Variants in AHRR observed in about 807,000 individuals in gnomAD.
AHRR encodes the protein ahR repressor.
Under a neutral mutation model 44.0 loss-of-function variants are expected in AHRR, and 28 were observed. That is an observed-to-expected ratio of 0.64 (90% CI 0.47 to 0.87). The LOEUF is 0.87. Among genes scored for constraint, AHRR ranks in the 40% least tolerant of loss-of-function variants. The pLI, the probability that AHRR is intolerant of heterozygous loss-of-function variation, is 0.00. For synonymous variants in AHRR, 434 were observed against 407.0 expected (o/e 1.07, Z -0.80); for missense variants, 990 against 953.9 (o/e 1.04, Z -0.50).
At chr5:408,319 G>A (rs1735348696) in intron 4 of AHRR, among the ~76,000 whole-genome samples, 1 of 152,046 alleles carries the variant, frequency 6.6e-6, no homozygotes, top group Non-Finnish European at 1.5e-5. Flanking sequence ...CCTTAGGAAT[G>A]AGGTGCACAC....
intron 4 of AHRR, chr5:403,702 T>C: frequency 1.2e-6 from 1 of 869,382 alleles, no homozygotes; most frequent in Non-Finnish European, 1.8e-6. Flanking sequence ...TTTTACTTTC[T>C]CTCAGAGGCA....
At chr5:323,139 A>G (rs2126306327) in intron 1 of AHRR, among the ~76,000 whole-genome samples, 1 of 152,298 alleles carries the variant, frequency 6.6e-6, no homozygotes, top group Admixed American at 6.5e-5. Flanking sequence ...TGCAGTGGGT[A>G]GGGTCCTCCC....
rs535903596 is a variant in AHRR at position 334,220 on chromosome 5, G to A, written c.-10-9673G>A. On this transcript the variant is annotated intron_variant, in intron 1 of 10. Transcript: ENST00000684583. ...GTCTTTTTTGCACGATGTTTTCCTG[G>A]GGATTGCTGAGCCTCCTGTGTCTGG... 5.3e-5 allele frequency among the ~76,000 whole-genome samples: 8 copies of A among 152,152 alleles called. No individual in the cohort carries two copies. The East Asian group carries it at 1.5e-3, about 29-fold the overall frequency.
chr5:335,555 C>T (rs1742091072), intron 1 of AHRR, among the ~76,000 whole-genome samples: 1 of 152,218 alleles, frequency 6.6e-6, no homozygotes, highest in Non-Finnish European at 1.5e-5. Flanking sequence ...GGCAAGCTTG[C>T]TCTAGCCCCC....
rs1028798071 is a variant in AHRR, at chr5:435,852, G to A, written c.*1018G>A. 15 of 152,706 alleles carry A rather than the reference G, an allele frequency of 9.8e-5. No homozygotes were observed. Among genetic ancestry groups the A allele is most frequent in the Admixed American group, 8.5e-4 (13 of 15,280 alleles). 9.5% of individuals were successfully genotyped at this position (152,706 alleles called of 1,614,324 possible). A position where few individuals can be genotyped will look rare whatever the true frequency, so the allele number is the denominator to read the frequency against. ...ATAGCATTAAAACAGTTGTAAAGGC[G>A]ATATTTTCTGAGAGTAGGAAATTTG... is the stretch of plus-strand genomic sequence containing the variant. On this transcript the variant is annotated 3_prime_UTR_variant, in exon 11 of 11. Transcript: ENST00000684583.
At chr5:341,025 C>CT (rs563447310) in intron 1 of AHRR, among the ~76,000 whole-genome samples, 54 of 148,706 alleles carry the variant, frequency 3.6e-4, no homozygotes, top group African/African-American at 1.3e-3. Context: ...CTTTTCTTTT[C>CT]TTTTTTTTAG....
At chr5:430,958 A>G (rs1319628307) in intron 8 of AHRR, among the ~76,000 whole-genome samples, 2 of 151,904 alleles carry the variant, frequency 1.3e-5, no homozygotes, top group Admixed American at 1.3e-4. Context: ...TGCACAGAAA[A>G]GGACCTGGGG....
intron 1 of AHRR, among the ~76,000 whole-genome samples, chr5:340,688 A>ATATTTTTTT (rs1269938749): frequency 7.7e-5 from 1 of 12,928 alleles, no homozygotes; most frequent in Non-Finnish European, 1.3e-4. Context: ...ATATATATAT[A>ATATTTTTTT]TTTTTTTTTT....
chr5:428,766 A>G (rs572055982), intron 8 of AHRR, among the ~76,000 whole-genome samples: 3 of 152,218 alleles, frequency 2.0e-5, no homozygotes. Context: ...AGGCGGCCCC[A>G]TGGCGGGGGT....
chr5:389,971 G>A (rs1380597543), intron 4 of AHRR, among the ~76,000 whole-genome samples: 2 of 149,592 alleles, frequency 1.3e-5, no homozygotes. Flanking sequence ...ACAGGACAGA[G>A]GCTGGAAAGG....
At chr5:433,789 AC>A in intron 10 of AHRR, 63 bp from the exon 11 acceptor site, 1 of 1,427,720 alleles carries the variant, frequency 7.0e-7, no homozygotes, top group Non-Finnish European at 9.2e-7. Flanking sequence ...AGAGACCCCC[AC>A]CCAGGGCAGC....
chr5:401,628 G>A (rs1267544936), intron 4 of AHRR, among the ~76,000 whole-genome samples: 1 of 152,226 alleles, frequency 6.6e-6, no homozygotes, highest in Non-Finnish European at 1.5e-5. Flanking sequence ...GCGGCGAAAG[G>A]CAGGTCAAGT....
rs540330912 is a variant in AHRR, at chr5:337,005, G to A, written c.-10-6888G>A. Among the ~76,000 whole-genome samples the A allele has an allele frequency of 7.9e-5, 12 of 152,022 alleles. No individual in the cohort carries two copies. In the East Asian group the frequency reaches 1.7e-3, roughly 22 times the overall value. On this transcript the variant is annotated intron_variant, in intron 1 of 10. Transcript: ENST00000684583. The surrounding 1 kb of genome is among the most constrained non-coding windows in gnomAD (Gnocchi z 4.1). The stretch of plus-strand genomic sequence containing the variant: ...TGCTGAACAGCCTTGGTGCCCTTGT[G>A]GAAAATCAATTGGTCATTGGTCATA...
rs770662390 is a variant in AHRR, at chr5:434,154, G to A, written c.1414G>A (p.Gly472Ser). 1.2e-5 allele frequency: 19 copies of A among 1,607,924 alleles called. No individual in the cohort carries two copies. The highest frequency in any genetic ancestry group is 3.4e-5 in the Admixed American group (2 of 59,238). ...GACCAGCAGACCCATGCGGGATGTCGGTGAGGACCAGGTGCACCCTCCCCT... is the reference window on the plus strand; with the variant it reads ...GACCAGCAGACCCATGCGGGATGTCAGTGAGGACCAGGTGCACCCTCCCCT... Reference protein sequence around the residue: ...SRTSRPMRDVGEDQVHPPLCH... With the variant: ...SRTSRPMRDVSEDQVHPPLCH... Residue 472 changes from glycine (G) to serine (S), a missense_variant, in exon 11 of 11, where the codon GGT becomes AGT. Physicochemically the swap from Gly to Ser is moderately conservative, Grantham distance 56. Coordinates refer to ENST00000684583, the MANE Select transcript of AHRR (RefSeq NM_001377236.1).
intron 4 of AHRR, among the ~76,000 whole-genome samples, chr5:402,336 GGCGGGAAGGCA>G (rs1248128116): frequency 1.3e-4 from 20 of 151,504 alleles, no homozygotes; most frequent in African/African-American, 4.4e-4. Context: ...GTGCACTGTT[GGCGGGAAGGCA>G]GTCGTTGATG....
intron 8 of AHRR, 82 bp from the exon 9 acceptor site, chr5:432,381 T>C: frequency 2.2e-6 from 3 of 1,383,020 alleles, no homozygotes; most frequent in Non-Finnish European, 3.1e-6. Context: ...TCATTATTAA[T>C]TTCTACCATC....
intron 3 of AHRR, 102 bp from the exon 4 acceptor site, chr5:376,508 A>G (rs1733665132): frequency 2.4e-6 from 3 of 1,247,474 alleles, no homozygotes; most frequent in Non-Finnish European, 3.3e-6. Context: ...GTCAGGTGAG[A>G]ACCGTGGGGT....
chr5:368,285 C>G (rs1414413265), intron 3 of AHRR, among the ~76,000 whole-genome samples: 1 of 152,202 alleles, frequency 6.6e-6, no homozygotes, highest in African/African-American at 2.4e-5. Context: ...GCACCGCGCA[C>G]TGTATCCTGC....
chr5:348,320 GATTCCCCCCC>G (rs1742746447), intron 2 of AHRR, among the ~76,000 whole-genome samples: 1 of 151,558 alleles, frequency 6.6e-6, no homozygotes, highest in African/African-American at 2.4e-5. Context: ...AAGCCACAGG[GATTCCCCCCC>G]TCCTTTTTTT....
Sources: gnomAD v4.1 joint callset for allele counts (sites outside exome capture counted in the v4.1 genomes callset) on GRCh38, gnomAD v4.1.1 for gene constraint, Gnocchi (gnomAD v3.1) non-coding constraint, MANE v1.5 for transcripts, NCBI Gene and HGNC (gene_info 2026-07-23, HGNC 2026-07-21) for gene names.